Variants in VPS26A observed in about 807,000 individuals in gnomAD.
The protein encoded by VPS26A is VPS26 retromer complex component A.
A neutral mutation model predicts 42.4 loss-of-function variants in VPS26A; 22 were observed. That is an observed-to-expected ratio of 0.52 (90% CI 0.37 to 0.74). The LOEUF (loss-of-function observed/expected upper bound fraction) is 0.74, where lower values mean the gene tolerates loss of function less well. Ranked by LOEUF, VPS26A falls within the 30% of genes least tolerant of loss-of-function variation. The probability of loss-of-function intolerance (pLI) is 0.00; values close to 1 mark genes in which losing one functional copy is unlikely to be tolerated. For missense variants in VPS26A, 276 were observed against 379.2 expected, an observed-to-expected ratio of 0.73 and a Z score of 2.26; for synonymous variants, 110 against 123.5, an observed-to-expected ratio of 0.89 and a Z score of 0.73.
At chr10:69,136,902 C>T (rs1840924153) in intron 2 of VPS26A, among the ~76,000 whole-genome samples, 1 of 152,078 alleles carries the variant, frequency 6.6e-6, no homozygotes, top group Admixed American at 6.6e-5. Context: ...AGTGATTCTC[C>T]TGCCTCAGCC....
intron 2 of VPS26A, among the ~76,000 whole-genome samples, chr10:69,152,163 G>A (rs1007728581): frequency 6.6e-6 from 1 of 151,904 alleles, no homozygotes; most frequent in Admixed American, 6.6e-5. Flanking sequence ...GAGTCATGAT[G>A]GTGCCACTGC....
chr10:69,139,181 T>C (rs9804242), intron 2 of VPS26A, among the ~76,000 whole-genome samples: 9 of 152,224 alleles, frequency 5.9e-5, no homozygotes, highest in African/African-American at 2.2e-4. Context: ...GAAATGCTCA[T>C]GGGAACAATA....
chr10:69,124,303 G>A, intron 1 of VPS26A, 23 bp downstream of exon 1: 8 of 1,248,564 alleles, frequency 6.4e-6, no homozygotes, highest in Non-Finnish European at 7.1e-6. Flanking sequence ...CGGCCAGCGC[G>A]CTCGCCTCCC....
At chr10:69,126,932 T>A (rs1340379944) in intron 1 of VPS26A, among the ~76,000 whole-genome samples, 1 of 151,750 alleles carries the variant, frequency 6.6e-6, no homozygotes, top group East Asian at 1.9e-4. Flanking sequence ...TTTCTGGAGG[T>A]GTTTTTTAGT....
At chr10:69,126,677 G>A (rs1840662502) in intron 1 of VPS26A, among the ~76,000 whole-genome samples, 1 of 151,864 alleles carries the variant, frequency 6.6e-6, no homozygotes. Flanking sequence ...CTTGACAGTT[G>A]TGTATTTTAC....
chr10:69,145,562 T>G (rs1340074308), intron 2 of VPS26A, among the ~76,000 whole-genome samples: 1 of 152,166 alleles, frequency 6.6e-6, no homozygotes, highest in Non-Finnish European at 1.5e-5. Flanking sequence ...GTATTTTTCT[T>G]CTGTATGGAT....
intron 7 of VPS26A, among the ~76,000 whole-genome samples, chr10:69,168,228 C>A (rs1841736270): frequency 1.3e-5 from 2 of 152,142 alleles, no homozygotes; most frequent in African/African-American, 2.4e-5. Flanking sequence ...TTGGCTGTTA[C>A]ATTTGGAGAG....
intron 8 of VPS26A, among the ~76,000 whole-genome samples, chr10:69,169,604 CT>C (rs145987168): frequency 6.8e-6 from 1 of 148,038 alleles, no homozygotes; most frequent in African/African-American, 2.5e-5. Context: ...GCCTCTAATC[CT>C]TTTTTTTTAA....
chr10:69,124,976 G>A (rs1342892781), intron 1 of VPS26A, among the ~76,000 whole-genome samples: 1 of 152,196 alleles, frequency 6.6e-6, no homozygotes, highest in African/African-American at 2.4e-5. Flanking sequence ...ATGAGGCAGA[G>A]GAGGGAGGGG....
intron 2 of VPS26A, among the ~76,000 whole-genome samples, chr10:69,137,324 G>A (rs1318340047): frequency 6.6e-6 from 1 of 152,198 alleles, no homozygotes; most frequent in African/African-American, 2.4e-5. Context: ...AGTCCAGGTG[G>A]AGGTTAGCTG....
At chr10:69,166,344 G>A (rs1231992497) in intron 7 of VPS26A, among the ~76,000 whole-genome samples, 1 of 152,132 alleles carries the variant, frequency 6.6e-6, no homozygotes, top group Non-Finnish European at 1.5e-5. Context: ...ACAGTTATAT[G>A]TATCTATTCT....
chr10:69,159,027 A>C (rs1396492868), intron 5 of VPS26A, among the ~76,000 whole-genome samples: 1 of 152,224 alleles, frequency 6.6e-6, no homozygotes, highest in Non-Finnish European at 1.5e-5. Context: ...CACTGGTATT[A>C]TAACAGTTAA....
At chr10:69,124,372 A>C (rs1840600720) in intron 1 of VPS26A, 92 bp downstream of exon 1, 1 of 1,194,850 alleles carries the variant, frequency 8.4e-7, no homozygotes, top group Non-Finnish European at 1.1e-6. Flanking sequence ...TCGCCGGAGG[A>C]GGGGACGGGG....
At chr10:69,154,028 G>C (rs1024200437) in intron 2 of VPS26A, among the ~76,000 whole-genome samples, 2 of 152,126 alleles carry the variant, frequency 1.3e-5, no homozygotes, top group Non-Finnish European at 2.9e-5. Flanking sequence ...GAGCAGGCTG[G>C]CTTCAAGTCT....
intron 1 of VPS26A, among the ~76,000 whole-genome samples, chr10:69,124,944 C>T (rs1314105615): frequency 6.6e-6 from 1 of 152,162 alleles, no homozygotes. Context: ...GAACTTAACG[C>T]TCTGGGTTGT....
chr10:69,124,262 G>C lies in VPS26A; in HGVS notation c.-16G>C. The C allele has an allele frequency of 1.5e-5, 19 of 1,279,540 alleles. No individual in the cohort carries two copies. Among genetic ancestry groups the C allele is most frequent in the Middle Eastern group, 5.2e-4 (2 of 3,820 alleles). The allele number at this position is 1,279,540 out of a possible 1,614,324, so 79.3% of individuals were successfully genotyped here. On this transcript the variant is annotated 5_prime_UTR_variant, in exon 1 of 9. Transcript: ENST00000263559. ...AAGAGGAGTGGAGTAGGGGGGACGC[G>C]GCGGCGGCGTTGACAATGGTGAGTG...
At position 69,172,838 on chromosome 10, in the gene VPS26A, A is replaced by G. The variant is rs1211726833; in HGVS notation, c.*1569A>G. 1.3e-5 allele frequency: 2 copies of G among 152,564 alleles called. No individual in the cohort carries two copies. Among genetic ancestry groups the G allele is most frequent in the Non-Finnish European group, 2.9e-5 (2 of 68,042 alleles). 9.5% of individuals were successfully genotyped at this position (152,564 alleles called of 1,614,324 possible). On this transcript the variant is annotated 3_prime_UTR_variant, in exon 9 of 9. Coordinates refer to ENST00000263559, the MANE Select transcript of VPS26A (RefSeq NM_004896.5). ...GCCTCAAATTGTGCAACCATGATGT[A>G]TAATAAAGAATTTGAAACAGAAACT...
At chr10:69,131,544 C>G (rs1049039435) in intron 1 of VPS26A, among the ~76,000 whole-genome samples, 7 of 152,134 alleles carry the variant, frequency 4.6e-5, no homozygotes, top group Non-Finnish European at 8.8e-5. Flanking sequence ...ACCGTCCTGG[C>G]TAACATAGTG....
intron 8 of VPS26A, 81 bp from the exon 9 acceptor site, chr10:69,171,075 G>A (rs1841802396): frequency 1.8e-6 from 2 of 1,124,710 alleles, no homozygotes; most frequent in Non-Finnish European, 2.6e-6. Context: ...TTTTATTATG[G>A]TTAAAATTGA....
Sources: allele counts gnomAD v4.1 joint callset (sites outside exome capture counted in the v4.1 genomes callset), GRCh38; gene constraint gnomAD v4.1.1; transcripts MANE v1.5; gene names NCBI Gene and HGNC (gene_info 2026-07-23, HGNC 2026-07-21).